EDN3: variants seen among roughly 807,000 people sequenced by gnomAD.
EDN3 encodes the protein endothelin-3.
In EDN3, 9 loss-of-function variants were observed where a neutral mutation model predicts 21.4. That is an observed-to-expected ratio of 0.42 (90% CI 0.25 to 0.73). The LOEUF is 0.73. Among genes scored for constraint, EDN3 ranks in the 30% least tolerant of loss-of-function variants. EDN3 has a pLI of 0.26. For missense variants in EDN3, 327 were observed against 309.4 expected, an observed-to-expected ratio of 1.06 and a Z score of -0.43; for synonymous variants, 133 against 126.2, an observed-to-expected ratio of 1.05 and a Z score of -0.36.
Position 59,300,716 on chromosome 20 carries a change from C to T in EDN3, c.-97C>T. 2 of 1,342,288 alleles carry T rather than the reference C, an allele frequency of 1.5e-6. No homozygotes were observed. The highest frequency in any genetic ancestry group is 2.5e-5 in the South Asian group (2 of 79,906). 83.1% of individuals were successfully genotyped at this position (1,342,288 alleles called of 1,614,324 possible). A position where few individuals can be genotyped will look rare whatever the true frequency, so the allele number is the denominator to read the frequency against. ...ATCGGCCGGCCTCGAACCCCCACAG[C>T]TGGAGGGCGAGGCCAGCTGTACCCG... On this transcript the variant is annotated 5_prime_UTR_variant, in exon 1 of 5. Coordinates refer to ENST00000337938, the MANE Select transcript of EDN3 (RefSeq NM_207034.3).
At chr20:59,306,974 G>A (rs1312150017) in intron 2 of EDN3, among the ~76,000 whole-genome samples, 4 of 152,042 alleles carry the variant, frequency 2.6e-5, no homozygotes, top group South Asian at 2.1e-4. Context: ...GTGAAACCCC[G>A]TCTGTACTAA....
chr20:59,306,109 G>A (rs959391191), intron 2 of EDN3, among the ~76,000 whole-genome samples: 1 of 152,150 alleles, frequency 6.6e-6, no homozygotes, highest in Non-Finnish European at 1.5e-5. Context: ...CATGAGCTGA[G>A]GGATCCTGCC....
At chr20:59,313,489 C>T (rs1050621589) in intron 2 of EDN3, among the ~76,000 whole-genome samples, 11 of 152,150 alleles carry the variant, frequency 7.2e-5, no homozygotes, top group Non-Finnish European at 1.3e-4. Context: ...TCTCAAACAG[C>T]CAAGTCCTGG....
At chr20:59,315,500 T>G (rs1029391284) in intron 2 of EDN3, among the ~76,000 whole-genome samples, 4 of 152,236 alleles carry the variant, frequency 2.6e-5, no homozygotes, top group African/African-American at 7.2e-5. Flanking sequence ...GTTCTATTTG[T>G]TGGGGAGACA....
chr20:59,322,530 G>A lies in EDN3; in HGVS notation c.588+113G>A, dbSNP rs775345580. 1.4e-4 allele frequency: 195 copies of A among 1,412,272 alleles called. No homozygotes were observed. The highest frequency in any genetic ancestry group is 8.8e-5 in the Non-Finnish European group (88 of 1,005,574). The allele number at this position is 1,412,272 out of a possible 1,614,324, so 87.5% of individuals were successfully genotyped here. A position where few individuals can be genotyped will look rare whatever the true frequency, so the allele number is the denominator to read the frequency against. On this transcript the variant is annotated intron_variant, in intron 4 of 4. Coordinates refer to ENST00000337938, the MANE Select transcript of EDN3 (RefSeq NM_207034.3). The surrounding 1 kb of genome is among the most constrained non-coding windows in gnomAD (Gnocchi z 4.1). ...GGATGGCATCTGGTCTGGTCCAGTG[G>A]GAACCCCAGATCTCATGGGATGCTG...
chr20:59,322,567 A>AATG lies in EDN3; in HGVS notation c.588+151_588+153dup. The stretch of plus-strand genomic sequence containing the variant: ...CTCATGGGATGCTGCACCCACAAGC[A>AATG]ATGGTGCCTTTGGTGGACCGTTTCT... On this transcript the variant is annotated intron_variant, in intron 4 of 4. Transcript: ENST00000337938. The surrounding 1 kb of genome is among the most constrained non-coding windows in gnomAD (Gnocchi z 4.1). 1.9e-6 allele frequency: 2 copies of AATG among 1,076,696 alleles called. No individual in the cohort carries two copies. Among genetic ancestry groups the AATG allele is most frequent in the Admixed American group, 2.0e-5 (1 of 51,088 alleles). 66.7% of individuals were successfully genotyped at this position (1,076,696 alleles called of 1,614,324 possible).
intron 2 of EDN3, among the ~76,000 whole-genome samples, chr20:59,320,208 C>T (rs1990440542): frequency 6.6e-6 from 1 of 152,228 alleles, no homozygotes; most frequent in Non-Finnish European, 1.5e-5. Context: ...ATGGCCAGGC[C>T]CTCACCCGCC....
chr20:59,321,126 T>C lies in EDN3; in HGVS notation c.475T>C (p.Cys159Arg). Residue 159 changes from cysteine (C) to arginine (R), a missense_variant, in exon 3 of 5, where the codon TGC becomes CGC. Coordinates refer to ENST00000337938, the MANE Select transcript of EDN3 (RefSeq NM_207034.3). ...GCTCTCACATCGGCCACACTTGCGC[T>C]GCGCTTGTGTGGGGAGATATGACAA... ...LQLSHRPHLR[C>R]ACVGRYDKAC... 1.2e-6 allele frequency: 2 copies of C among 1,614,230 alleles called. No homozygotes were observed. Among genetic ancestry groups the C allele is most frequent in the Non-Finnish European group, 1.7e-6 (2 of 1,180,038 alleles).
chr20:59,310,540 CAG>C (rs1410801758), intron 2 of EDN3, among the ~76,000 whole-genome samples: 1 of 152,120 alleles, frequency 6.6e-6, no homozygotes, highest in Non-Finnish European at 1.5e-5. Flanking sequence ...TGCCCCACCT[CAG>C]AGTCTTAGGA....
intron 2 of EDN3, among the ~76,000 whole-genome samples, chr20:59,317,710 T>C (rs764050711): frequency 3.3e-5 from 5 of 152,196 alleles, no homozygotes; most frequent in Non-Finnish European, 5.9e-5. Context: ...ACCACGTATA[T>C]AGTGGATGCT....
In EDN3 at chr20:59,324,725, G is replaced by C; in HGVS notation, c.*266G>C. On this transcript the variant is annotated 3_prime_UTR_variant, in exon 5 of 5. Transcript: ENST00000337938. ...GGTTTCATGCAGGAAATTGGTTTTG[G>C]AGAGTTTTGGCAAGTTGGAAAGCCA... 1 of 528,094 alleles carries C rather than the reference G, an allele frequency of 1.9e-6. No homozygotes were observed. Among genetic ancestry groups the C allele is most frequent in the Non-Finnish European group, 3.4e-6 (1 of 293,624 alleles). The allele number at this position is 528,094 out of a possible 1,614,324, so 32.7% of individuals were successfully genotyped here.
At position 59,321,210 on chromosome 20, in the gene EDN3, A is replaced by T; in HGVS notation, c.542+17A>T. 6.2e-7 allele frequency: 1 copy of T among 1,614,098 alleles called. No homozygotes were observed. Among genetic ancestry groups the T allele is most frequent in the Non-Finnish European group, 8.5e-7 (1 of 1,179,928 alleles). On this transcript the variant is annotated intron_variant, in intron 3 of 4. Transcript: ENST00000337938. ...CGTCAGCAGGTATGACACCTCCTCC[A>T]GTTTCACTCATTTGCAGATATGCAT...
intron 4 of EDN3, among the ~76,000 whole-genome samples, chr20:59,323,912 G>A (rs1990692821): frequency 2.0e-5 from 3 of 152,244 alleles, no homozygotes; most frequent in African/African-American, 7.2e-5. Context: ...GGTTCTTCCA[G>A]GTCTCTATGA....
In EDN3 at chr20:59,322,898, G is replaced by C. The variant is rs1331364390; in HGVS notation, c.588+481G>C. 1.3e-5 allele frequency among the ~76,000 whole-genome samples: 2 copies of C among 152,172 alleles called. No individual in the cohort carries two copies. The highest frequency in any genetic ancestry group is 1.9e-4 in the East Asian group (1 of 5,202). ...AGAGGTGAATTACAGCAGCTTGACA[G>C]CAGGGTCCCTTGGTTCTCCAGTTCA... On this transcript the variant is annotated intron_variant, in intron 4 of 4. Transcript: ENST00000337938. The surrounding 1 kb of genome is among the most constrained non-coding windows in gnomAD (Gnocchi z 4.1).
In EDN3 at chr20:59,300,840, G is replaced by A; in HGVS notation, c.28G>A (p.Gly10Arg). ...GGAGCCGGGGCTGTGGCTCCTTTTC[G>A]GGCTCACAGTGACCTCCGCCGCAGG... Reference protein sequence around the residue: MEPGLWLLFGLTVTSAAGFV... With the variant: MEPGLWLLFRLTVTSAAGFV... Residue 10 changes from glycine to arginine, a missense_variant, in exon 1 of 5, where the codon GGG becomes AGG. Transcript: ENST00000337938. 7 of 1,611,284 alleles carry A rather than the reference G, an allele frequency of 4.3e-6. No homozygotes were observed. The highest frequency in any genetic ancestry group is 5.9e-6 in the Non-Finnish European group (7 of 1,179,634).
chr20:59,308,699 A>T (rs553768136), intron 2 of EDN3, among the ~76,000 whole-genome samples: 1 of 152,302 alleles, frequency 6.6e-6, no homozygotes, highest in South Asian at 2.1e-4. Flanking sequence ...TAAACACTCA[A>T]CGTCTTGAAG....
intron 2 of EDN3, among the ~76,000 whole-genome samples, chr20:59,308,457 A>G (rs575784347): frequency 6.6e-6 from 1 of 152,284 alleles, no homozygotes; most frequent in South Asian, 2.1e-4. Flanking sequence ...CACTCATCCA[A>G]ATTGTCACGT....
intron 2 of EDN3, among the ~76,000 whole-genome samples, chr20:59,317,849 G>C (rs767405775): frequency 6.6e-6 from 1 of 152,170 alleles, no homozygotes; most frequent in African/African-American, 2.4e-5. Context: ...TAATCTGTTC[G>C]CCTGGCCTTG....
chr20:59,312,721 C>T (rs946693046), intron 2 of EDN3, among the ~76,000 whole-genome samples: 1 of 152,172 alleles, frequency 6.6e-6, no homozygotes, highest in Admixed American at 6.5e-5. Context: ...GGGCAAAGGT[C>T]TAAGGCCTTC....
Sources: gnomAD v4.1 joint callset for allele counts (sites outside exome capture counted in the v4.1 genomes callset) on GRCh38, gnomAD v4.1.1 for gene constraint, Gnocchi (gnomAD v3.1) non-coding constraint, MANE v1.5 for transcripts, NCBI Gene and HGNC (gene_info 2026-07-23, HGNC 2026-07-21) for gene names.